The following SYBU variants were observed in gnomAD, a reference collection of about 807,000 sequenced individuals.
SYBU encodes GOLSYN A protein.
A neutral mutation model predicts 35.9 loss-of-function variants in SYBU; 21 were observed. The ratio of observed to expected loss-of-function variants is 0.58; its 90% confidence interval spans 0.41 to 0.84. The LOEUF (loss-of-function observed/expected upper bound fraction) is 0.84. Among genes scored for constraint, SYBU ranks in the 40% least tolerant of loss-of-function variants. The pLI is 0.00. For missense variants in SYBU, 768 were observed against 848.2 expected (o/e 0.91, Z 1.17); for synonymous variants, 319 against 324.3 (o/e 0.98, Z 0.18).
intron 1 of SYBU, among the ~76,000 whole-genome samples, chr8:109,667,166 G>T (rs1816784946): frequency 6.6e-6 from 1 of 152,028 alleles, no homozygotes. Flanking sequence ...GCCCAGGCTG[G>T]AGTGCAGTGG....
rs1315841735 is a variant in SYBU at position 109,691,205 on chromosome 8, G to T, written c.-58+128C>A. The stretch of plus-strand genomic sequence containing the variant: ...TCGCCGAGCACCCTGGATACCTCCC[G>T]CATTGGAAAGGGTGGTCCTGGGGTC... On this transcript the variant is annotated intron_variant, in intron 1 of 7. Coordinates refer to the SYBU transcript ENST00000422135. The surrounding 1 kb of genome is among the most constrained non-coding windows in gnomAD (Gnocchi z 4.7). The T allele has an allele frequency of 8.3e-6, 5 of 605,814 alleles. No homozygotes were observed. The highest frequency in any genetic ancestry group is 3.2e-5 in the East Asian group (1 of 30,854). 37.5% of individuals were successfully genotyped at this position (605,814 alleles called of 1,614,324 possible). A position where few individuals can be genotyped will look rare whatever the true frequency, so the allele number is the denominator to read the frequency against.
intron 1 of SYBU, among the ~76,000 whole-genome samples, chr8:109,656,458 CTGTT>C (rs1447387784): frequency 1.3e-5 from 2 of 152,096 alleles, no homozygotes; most frequent in African/African-American, 4.8e-5. Flanking sequence ...TAAGAATCTT[CTGTT>C]TGTCATTTTT....
At chr8:109,589,090 T>C (rs532354557) in intron 3 of SYBU, among the ~76,000 whole-genome samples, 1 of 151,924 alleles carries the variant, frequency 6.6e-6, no homozygotes, top group East Asian at 1.9e-4. Flanking sequence ...AACCAGGGAG[T>C]TGGAGGTTGC....
intron 1 of SYBU, among the ~76,000 whole-genome samples, chr8:109,677,231 A>G (rs1216862774): frequency 1.3e-5 from 2 of 152,234 alleles, no homozygotes; most frequent in African/African-American, 4.8e-5. Context: ...AAAGTAATAC[A>G]TACAAGTTAA....
intron 1 of SYBU, among the ~76,000 whole-genome samples, chr8:109,652,680 G>A (rs952786977): frequency 2.0e-5 from 3 of 152,136 alleles, no homozygotes; most frequent in Non-Finnish European, 4.4e-5. Flanking sequence ...GGCCTGAAAC[G>A]TAATAAGGGT....
intron 1 of SYBU, among the ~76,000 whole-genome samples, chr8:109,668,165 G>GA (rs1554628117): frequency 2.2e-5 from 2 of 88,990 alleles, no homozygotes; most frequent in Non-Finnish European, 4.0e-5. Context: ...GGGGAGAGGG[G>GA]GAGAGAGAGA....
intron 1 of SYBU, among the ~76,000 whole-genome samples, chr8:109,649,833 G>A (rs1221955454): frequency 3.3e-5 from 5 of 152,190 alleles, no homozygotes; most frequent in African/African-American, 4.8e-5. Context: ...AAATTAAGAC[G>A]CTCTGGAAAG....
intron 1 of SYBU, among the ~76,000 whole-genome samples, chr8:109,688,586 A>G (rs781668191): frequency 6.6e-5 from 10 of 152,130 alleles, no homozygotes; most frequent in Non-Finnish European, 1.3e-4. Flanking sequence ...AAATAACTTA[A>G]TTTACTTTCC....
At chr8:109,674,786 A>G (rs1441296923) in intron 1 of SYBU, among the ~76,000 whole-genome samples, 1 of 152,228 alleles carries the variant, frequency 6.6e-6, no homozygotes, top group Non-Finnish European at 1.5e-5. Context: ...CTCTGGACCA[A>G]GCAGACATAA....
chr8:109,665,299 C>T (rs1463673358), intron 1 of SYBU, among the ~76,000 whole-genome samples: 2 of 152,156 alleles, frequency 1.3e-5, no homozygotes, highest in African/African-American at 2.4e-5. Flanking sequence ...ACTTACAACA[C>T]ATCTCAGTTT....
chr8:109,579,902 T>G lies in SYBU; in HGVS notation c.631A>C (p.Asn211His). 1 of 1,614,070 alleles carries G rather than the reference T, an allele frequency of 6.2e-7. No homozygotes were observed. Among genetic ancestry groups the G allele is most frequent in the South Asian group, 1.1e-5 (1 of 91,068 alleles). ...TGGATATTGACAGGGCTCAGCTGAT[T>G]CCTGCACAGCATGGACAGAAGGTCC... ...EKDLLSMLCRNQLSPVNIHPS... is the reference protein window; with the variant it reads ...EKDLLSMLCRHQLSPVNIHPS... Residue 211 changes from asparagine to histidine, a missense_variant, in exon 5 of 7, where the codon AAT becomes CAT. Coordinates refer to ENST00000276646, the MANE Select transcript of SYBU (RefSeq NM_001099754.2).
intron 3 of SYBU, chr8:109,608,045 G>T: frequency 1.6e-6 from 2 of 1,218,452 alleles, no homozygotes; most frequent in Non-Finnish European, 2.3e-6. Context: ...GTCTCAGAGT[G>T]GGGTATCCAT....
intron 1 of SYBU, among the ~76,000 whole-genome samples, chr8:109,675,002 A>G (rs1157988892): frequency 6.6e-6 from 1 of 152,262 alleles, no homozygotes; most frequent in Non-Finnish European, 1.5e-5. Flanking sequence ...AAACTGCACA[A>G]CTACATGGAA....
intron 2 of SYBU, among the ~76,000 whole-genome samples, chr8:109,637,117 G>C (rs961584359): frequency 6.6e-6 from 1 of 152,214 alleles, no homozygotes; most frequent in African/African-American, 2.4e-5. Context: ...GTGCACAAGA[G>C]TTATCTGGAA....
intron 1 of SYBU, among the ~76,000 whole-genome samples, chr8:109,665,837 A>G (rs1816734058): frequency 6.6e-6 from 1 of 152,230 alleles, no homozygotes; most frequent in Admixed American, 6.5e-5. Flanking sequence ...ACAAGTGAAG[A>G]TTTCATGTCC....
At chr8:109,579,721 C>CTTTT in intron 5 of SYBU, 78 bp downstream of exon 5, 2 of 1,253,422 alleles carry the variant, frequency 1.6e-6, no homozygotes, top group Admixed American at 1.9e-5. Flanking sequence ...AGTTGTATAA[C>CTTTT]TTTTTTTTTT....
intron 3 of SYBU, among the ~76,000 whole-genome samples, chr8:109,599,748 C>G (rs898298219): frequency 6.6e-6 from 1 of 152,158 alleles, no homozygotes; most frequent in Non-Finnish European, 1.5e-5. Context: ...TAGGCAATTC[C>G]CTTGTTGAAA....
intron 3 of SYBU, chr8:109,608,072 G>T: frequency 1.1e-6 from 1 of 871,374 alleles, no homozygotes; most frequent in Non-Finnish European, 1.7e-6. Flanking sequence ...TGAGCCTTCT[G>T]CATGTGCAGG....
At chr8:109,582,645 A>G (rs1823169567) in intron 4 of SYBU, among the ~76,000 whole-genome samples, 1 of 152,180 alleles carries the variant, frequency 6.6e-6, no homozygotes, top group Non-Finnish European at 1.5e-5. Flanking sequence ...TTCAGGTAAT[A>G]TCATCATCAT....
Sources: gnomAD v4.1 joint callset for allele counts (sites outside exome capture counted in the v4.1 genomes callset) on GRCh38, gnomAD v4.1.1 for gene constraint, Gnocchi (gnomAD v3.1) non-coding constraint, MANE v1.5 for transcripts, NCBI Gene and HGNC (gene_info 2026-07-23, HGNC 2026-07-21) for gene names.